The following L3MBTL3 variants were observed in gnomAD, a reference collection of about 807,000 sequenced individuals.
L3MBTL3 encodes the protein L3MBTL histone methyl-lysine binding protein 3.
L3MBTL3 carries 27 observed loss-of-function variants against 102.3 expected under a neutral mutation model. That is an observed-to-expected ratio of 0.26 (90% confidence interval 0.19 to 0.36). L3MBTL3 has a LOEUF of 0.36. Ranked by LOEUF, L3MBTL3 falls within the 10% of genes least tolerant of loss-of-function variation. The probability of loss-of-function intolerance (pLI) is 1.00; values close to 1 mark genes in which losing one functional copy is unlikely to be tolerated. For missense variants in L3MBTL3, 798 were observed against 955.3 expected, an observed-to-expected ratio of 0.84 and a Z score of 2.17; for synonymous variants, 340 against 320.9, an observed-to-expected ratio of 1.06 and a Z score of -0.64.
intron 19 of L3MBTL3, among the ~76,000 whole-genome samples, chr6:130,110,797 T>G (rs1296508695): frequency 6.6e-6 from 1 of 152,224 alleles, no homozygotes; most frequent in Non-Finnish European, 1.5e-5. Context: ...GCTTCCAGCT[T>G]TTGCCCATTT....
chr6:130,098,232 C>T (rs1257148038), intron 18 of L3MBTL3, among the ~76,000 whole-genome samples: 1 of 152,148 alleles, frequency 6.6e-6, no homozygotes, highest in Non-Finnish European at 1.5e-5. Flanking sequence ...ACATTAGTAA[C>T]TCTTGGTATG....
chr6:130,058,755 G>A (rs964747953), intron 9 of L3MBTL3, among the ~76,000 whole-genome samples: 22 of 152,186 alleles, frequency 1.4e-4, no homozygotes, highest in African/African-American at 3.4e-4. Context: ...AGTGGGCATC[G>A]CTATGTTCCA....
At chr6:130,122,125 T>TGTGC in intron 20 of L3MBTL3, among the ~76,000 whole-genome samples, 1 of 152,222 alleles carries the variant, frequency 6.6e-6, no homozygotes, top group Admixed American at 6.5e-5. Flanking sequence ...TATTTATTTT[T>TGTGC]TATAAGAAAA....
chr6:130,063,925 G>A (rs1346303944), intron 10 of L3MBTL3, among the ~76,000 whole-genome samples: 1 of 152,172 alleles, frequency 6.6e-6, no homozygotes, highest in African/African-American at 2.4e-5. Context: ...GACTTCAGCT[G>A]GGAACATGCA....
intron 18 of L3MBTL3, among the ~76,000 whole-genome samples, chr6:130,096,945 T>G (rs1258374836): frequency 6.6e-6 from 1 of 152,210 alleles, no homozygotes; most frequent in Non-Finnish European, 1.5e-5. Flanking sequence ...TTATCACATA[T>G]AGAGAGCATA....
chr6:130,024,944 A>G (rs1779248381), intron 2 of L3MBTL3, among the ~76,000 whole-genome samples: 2 of 152,188 alleles, frequency 1.3e-5, no homozygotes, highest in Non-Finnish European at 2.9e-5. Context: ...ACCATGGCAT[A>G]TCATCCAATA....
At chr6:130,054,172 TAAGGTAAGA>T (rs1311310293) in intron 7 of L3MBTL3, among the ~76,000 whole-genome samples, 2 of 152,156 alleles carry the variant, frequency 1.3e-5, no homozygotes, top group African/African-American at 2.4e-5. Flanking sequence ...GGAAAGTCCT[TAAGGTAAGA>T]ACTTGCACAG....
intron 13 of L3MBTL3, 35 bp downstream of exon 13, chr6:130,071,162 T>A (rs1782616240): frequency 1.3e-6 from 2 of 1,576,312 alleles, no homozygotes; most frequent in Admixed American, 1.7e-5. Flanking sequence ...TTTAAAAATT[T>A]AATATTTATC....
intron 22 of L3MBTL3, among the ~76,000 whole-genome samples, chr6:130,136,625 C>T (rs1787700029): frequency 1.3e-5 from 2 of 149,594 alleles, no homozygotes; most frequent in South Asian, 2.1e-4. Flanking sequence ...CACAAATCAC[C>T]TTTTTTTTTT....
At chr6:130,042,309 A>ACTTTTTT (rs1228759821) in intron 2 of L3MBTL3, among the ~76,000 whole-genome samples, 1 of 152,128 alleles carries the variant, frequency 6.6e-6, no homozygotes, top group Non-Finnish European at 1.5e-5. Flanking sequence ...ATCCATACCT[A>ACTTTTTT]CTTTTTTCTA....
chr6:130,124,637 C>T (rs1786471281), intron 20 of L3MBTL3, among the ~76,000 whole-genome samples: 1 of 152,096 alleles, frequency 6.6e-6, no homozygotes, highest in South Asian at 2.1e-4. Context: ...GAAGGTAATA[C>T]CTATTCTTCT....
intron 2 of L3MBTL3, among the ~76,000 whole-genome samples, chr6:130,023,296 C>T (rs1042094723): frequency 6.6e-6 from 1 of 152,138 alleles, no homozygotes; most frequent in Non-Finnish European, 1.5e-5. Context: ...TCATTTGCTG[C>T]TTGTGGATCA....
At chr6:130,030,902 T>C (rs963024710) in intron 2 of L3MBTL3, among the ~76,000 whole-genome samples, 1 of 152,118 alleles carries the variant, frequency 6.6e-6, no homozygotes, top group Non-Finnish European at 1.5e-5. Flanking sequence ...TAGGCTGATA[T>C]TGATAATATC....
At position 130,092,930 on chromosome 6, in the gene L3MBTL3, G is replaced by A. The variant is rs984794316; in HGVS notation, c.1633+71G>A. The A allele has an allele frequency of 3.1e-6, 3 of 973,222 alleles. No homozygotes were observed. The African/African-American group carries it at 4.8e-5, about 16-fold the overall frequency. 60.3% of individuals were successfully genotyped at this position (973,222 alleles called of 1,614,324 possible). On this transcript the variant is annotated intron_variant, in intron 17 of 22. Transcript: ENST00000361794. ...TAGCATTCTTAAGATTTCATCCTTA[G>A]CCCTTTCTTTTTCTCCTCCTCTCTC...
intron 6 of L3MBTL3, among the ~76,000 whole-genome samples, 173 bp downstream of exon 6, chr6:130,051,581 C>T (rs571679865): frequency 5.3e-5 from 8 of 152,298 alleles, no homozygotes; most frequent in South Asian, 2.1e-4. Flanking sequence ...GACCTGGTGA[C>T]GTCTGTCATG....
intron 9 of L3MBTL3, 118 bp from the exon 10 acceptor site, chr6:130,059,918 G>T: frequency 1.7e-6 from 1 of 573,588 alleles, no homozygotes; most frequent in Non-Finnish European, 3.1e-6. Flanking sequence ...TTTTTCTTTG[G>T]ATTTTTAGAA....
At chr6:130,079,600 C>A (rs768148471) in intron 14 of L3MBTL3, among the ~76,000 whole-genome samples, 1 of 152,104 alleles carries the variant, frequency 6.6e-6, no homozygotes, top group African/African-American at 2.4e-5. Flanking sequence ...CTTAGTGGAC[C>A]CTTACAGGAG....
intron 16 of L3MBTL3, 137 bp from the exon 17 acceptor site, chr6:130,092,608 T>A: frequency 1.8e-6 from 1 of 565,170 alleles, no homozygotes; most frequent in Non-Finnish European, 3.1e-6. Context: ...TGAAGTATTT[T>A]GAATAATTGA....
intron 22 of L3MBTL3, among the ~76,000 whole-genome samples, chr6:130,139,306 T>C (rs546618681): frequency 2.6e-5 from 4 of 152,366 alleles, no homozygotes; most frequent in African/African-American, 9.6e-5. Flanking sequence ...GCATCCTGGA[T>C]TTTTCCATAT....
Sources: gnomAD v4.1 joint callset for allele counts (sites outside exome capture counted in the v4.1 genomes callset) on GRCh38, gnomAD v4.1.1 for gene constraint, MANE v1.5 for transcripts, NCBI Gene and HGNC (gene_info 2026-07-23, HGNC 2026-07-21) for gene names.